The following SEC23A variants were observed in gnomAD, a reference collection of about 807,000 sequenced individuals.
SEC23A encodes protein transport protein Sec23A.
A neutral mutation model predicts 103.7 loss-of-function variants in SEC23A; 56 were observed. The ratio of observed to expected loss-of-function variants is 0.54; its 90% CI spans 0.44 to 0.67. The LOEUF (loss-of-function observed/expected upper bound fraction) is 0.67. SEC23A is among the 30% of genes least tolerant of loss of function. SEC23A has a pLI of 0.00. For missense variants in SEC23A, 784 were observed against 936.4 expected, an observed-to-expected ratio of 0.84 and a Z score of 2.12; for synonymous variants, 281 against 293.0, an observed-to-expected ratio of 0.96 and a Z score of 0.42.
intron 9 of SEC23A, among the ~76,000 whole-genome samples, chr14:39,067,974 TCA>T (rs1886730827): frequency 6.6e-6 from 1 of 152,062 alleles, no homozygotes; most frequent in Non-Finnish European, 1.5e-5. Context: ...TGGCCCATTC[TCA>T]CTCTTAAAAA....
rs1040153928 is a variant in SEC23A, at chr14:39,091,305, T to C, written c.603+172A>G. On this transcript the variant is annotated intron_variant, in intron 5 of 19. Coordinates refer to ENST00000307712, the MANE Select transcript of SEC23A (RefSeq NM_006364.4). ...AGGGTGTTTAATCTGTATAACAATT[T>C]AAGGCACATGAAAAGAAAACTGAAG... The C allele has an allele frequency of 2.1e-5, 13 of 616,316 alleles. No homozygotes were observed. In the African/African-American group the frequency reaches 2.4e-4, roughly 11 times the overall value. 38.2% of individuals were successfully genotyped at this position (616,316 alleles called of 1,614,324 possible). A position where few individuals can be genotyped will look rare whatever the true frequency, so the allele number is the denominator to read the frequency against.
chr14:39,045,411 T>C, intron 15 of SEC23A, 87 bp from the exon 16 acceptor site: 3 of 929,750 alleles, frequency 3.2e-6, no homozygotes, highest in Non-Finnish European at 5.0e-6. Context: ...GATTACAAAC[T>C]ATTAACAACA....
chr14:39,042,721 G>A (rs1418400906), intron 17 of SEC23A, 65 bp downstream of exon 17: 1 of 988,072 alleles, frequency 1.0e-6, no homozygotes. Flanking sequence ...ACAATTAGAA[G>A]TAAGAAAACC....
chr14:39,097,487 G>A (rs1349127488), intron 1 of SEC23A, among the ~76,000 whole-genome samples: 4 of 152,156 alleles, frequency 2.6e-5, no homozygotes, highest in Non-Finnish European at 5.9e-5. Flanking sequence ...AGTGAAGAAA[G>A]AAGAGATATT....
At chr14:39,061,977 A>C (rs1886497495) in intron 12 of SEC23A, 106 bp from the exon 13 acceptor site, 1 of 758,326 alleles carries the variant, frequency 1.3e-6, no homozygotes, top group Non-Finnish European at 2.4e-6. Flanking sequence ...TCTAAAATTG[A>C]TTAGAAGGAT....
intron 2 of SEC23A, chr14:39,095,051 T>C (rs1266374955): frequency 1.5e-6 from 1 of 688,254 alleles, no homozygotes; most frequent in Non-Finnish European, 2.6e-6. Flanking sequence ...GGAGAGCAGG[T>C]AGGAGGATAT....
intron 5 of SEC23A, among the ~76,000 whole-genome samples, chr14:39,089,165 CAA>C (rs58732430): frequency 3.9e-4 from 27 of 69,324 alleles, no homozygotes; most frequent in Non-Finnish European, 4.3e-4. Flanking sequence ...GACTCCGTGT[CAA>C]AAAAAAAAAA....
At chr14:39,085,606 TAGA>T (rs1887405738) in intron 7 of SEC23A, among the ~76,000 whole-genome samples, 153 bp downstream of exon 7, 1 of 151,714 alleles carries the variant, frequency 6.6e-6, no homozygotes, top group South Asian at 2.1e-4. Context: ...GGGAAAACCA[TAGA>T]AGTATTCTTT....
At chr14:39,088,841 T>G (rs1375113071) in intron 5 of SEC23A, 2 of 151,132 alleles carry the variant, frequency 1.3e-5, no homozygotes, top group Non-Finnish European at 2.9e-5. Flanking sequence ...TCAAGCAGCC[T>G]GGCTAACATG....
chr14:39,043,442 T>G (rs531428790), intron 16 of SEC23A, among the ~76,000 whole-genome samples: 10 of 152,284 alleles, frequency 6.6e-5, no homozygotes, highest in African/African-American at 2.2e-4. Context: ...CAAGGATAAC[T>G]CCTAAGCCTA....
At chr14:39,040,596 C>T in intron 18 of SEC23A, 136 bp downstream of exon 18, 1 of 1,126,318 alleles carries the variant, frequency 8.9e-7, no homozygotes, top group Non-Finnish European at 1.3e-6. Flanking sequence ...AAAGTAAGCA[C>T]TGATACCTTC....
chr14:39,042,367 CAT>C (rs1885676052), intron 17 of SEC23A, among the ~76,000 whole-genome samples: 1 of 152,166 alleles, frequency 6.6e-6, no homozygotes, highest in Admixed American at 6.5e-5. Flanking sequence ...AATTTTAATT[CAT>C]GTATGCTTTA....
At chr14:39,035,265 A>C (rs1401189790) in intron 19 of SEC23A, among the ~76,000 whole-genome samples, 1 of 152,176 alleles carries the variant, frequency 6.6e-6, no homozygotes, top group African/African-American at 2.4e-5. Flanking sequence ...TGATTATTAA[A>C]ATATTGACAT....
In SEC23A at chr14:39,033,313, T is replaced by C. The variant is rs766802086; in HGVS notation, c.2224A>G (p.Ile742Val). ...TGTAAACTAACATCATCTGTAAGAA[T>C]AGGTGCTCCAGACTCCTAGAGGAAA... is the stretch of plus-strand genomic sequence containing the variant. ...YAWGQESGAPILTDDVSLQVF... is the reference protein window; with the variant it reads ...YAWGQESGAPVLTDDVSLQVF... The change falls in exon 20 of 20, where the codon ATT (isoleucine) becomes GTT (valine). Residue 742 changes from isoleucine to valine, a missense_variant. Transcript: ENST00000307712. 5 of 1,603,026 alleles carry C rather than the reference T, an allele frequency of 3.1e-6. No homozygotes were observed. The highest frequency in any genetic ancestry group is 4.3e-6 in the Non-Finnish European group (5 of 1,175,992).
chr14:39,081,823 A>G (rs879370830), intron 7 of SEC23A, among the ~76,000 whole-genome samples: 1 of 152,164 alleles, frequency 6.6e-6, no homozygotes, highest in African/African-American at 2.4e-5. Context: ...ATGCACACAC[A>G]TATACTTATG....
At chr14:39,036,909 C>A (rs906821028) in intron 19 of SEC23A, among the ~76,000 whole-genome samples, 1 of 152,166 alleles carries the variant, frequency 6.6e-6, no homozygotes, top group African/African-American at 2.4e-5. Context: ...TTACACAATG[C>A]CACGAATAAC....
intron 8 of SEC23A, among the ~76,000 whole-genome samples, chr14:39,075,138 C>T (rs1175449559): frequency 3.3e-5 from 5 of 151,982 alleles, no homozygotes; most frequent in African/African-American, 1.2e-4. Flanking sequence ...ACAGAGAACT[C>T]TCTTTCCTAG....
intron 11 of SEC23A, among the ~76,000 whole-genome samples, chr14:39,063,993 C>A (rs1886568247): frequency 9.7e-6 from 1 of 103,150 alleles, no homozygotes; most frequent in African/African-American, 2.8e-5. Flanking sequence ...GAGACTCCGT[C>A]TCAAAAAAAA....
chr14:39,067,092 T>C lies in SEC23A; in HGVS notation c.1227+81A>G, dbSNP rs1474354826. The C allele has an allele frequency of 2.6e-6, 4 of 1,518,460 alleles. No homozygotes were observed. The Admixed American group carries it at 6.7e-5, about 26-fold the overall frequency. 94.1% of individuals were successfully genotyped at this position (1,518,460 alleles called of 1,614,324 possible). ...TTTTGAAAGTAAATATTAAATTTGA[T>C]TAATGGCATTTTAGAATTACACTCA... is the stretch of plus-strand genomic sequence containing the variant. On this transcript the variant is annotated intron_variant, in intron 10 of 19. Transcript: ENST00000307712.
Sources: gnomAD v4.1 joint callset for allele counts (sites outside exome capture counted in the v4.1 genomes callset) on GRCh38, gnomAD v4.1.1 for gene constraint, MANE v1.5 for transcripts, NCBI Gene and HGNC (gene_info 2026-07-23, HGNC 2026-07-21) for gene names.